The following SH3RF3 variants were observed in gnomAD, a reference collection of about 807,000 sequenced individuals.
SH3RF3 encodes the protein E3 ubiquitin-protein ligase SH3RF3.
In SH3RF3, 29 loss-of-function variants were observed where a neutral mutation model predicts 66.3. That is an observed-to-expected ratio of 0.44 (90% CI 0.33 to 0.60). The LOEUF (loss-of-function observed/expected upper bound fraction) is 0.60, where lower values mean the gene tolerates loss of function less well. Ranked by LOEUF, SH3RF3 falls within the 20% of genes least tolerant of loss-of-function variation. The probability of loss-of-function intolerance (pLI) is 0.04; values close to 1 mark genes in which losing one functional copy is unlikely to be tolerated. For missense variants in SH3RF3, 1,194 were observed against 1,190.9 expected (o/e 1.00, Z -0.04); for synonymous variants, 583 against 532.0 (o/e 1.10, Z -1.32).
Position 109,400,575 on chromosome 2 carries a change from G to GCACACA in SH3RF3, c.1299+1642_1299+1647dup, listed in dbSNP as rs369625855. Among the ~76,000 whole-genome samples, 265 of 147,086 alleles carry GCACACA rather than the reference G, an allele frequency of 1.8e-3. 3 individuals carry two copies. In the South Asian group the frequency reaches 0.025, roughly 14 times the overall value. On this transcript the variant is annotated intron_variant, in intron 4 of 9. Coordinates refer to ENST00000309415, the MANE Select transcript of SH3RF3 (RefSeq NM_001099289.3). ...TACGTATACACATACACACCTGTGC[G>GCACACA]CACACACACACACACTTGTGAACTT...
intron 8 of SH3RF3, among the ~76,000 whole-genome samples, chr2:109,470,568 C>T (rs939969057): frequency 1.3e-5 from 2 of 152,222 alleles, no homozygotes; most frequent in Admixed American, 1.3e-4. Context: ...CAGTACTCTA[C>T]GTGCAGAGCT....
At chr2:109,410,693 C>G (rs1195233055) in intron 4 of SH3RF3, among the ~76,000 whole-genome samples, 1 of 152,232 alleles carries the variant, frequency 6.6e-6, no homozygotes, top group Non-Finnish European at 1.5e-5. Context: ...TGTCCACTTG[C>G]CTAGGCCAAA....
chr2:109,448,684 A>G (rs994020520), intron 7 of SH3RF3, among the ~76,000 whole-genome samples: 1 of 152,228 alleles, frequency 6.6e-6, no homozygotes, highest in African/African-American at 2.4e-5. Flanking sequence ...GGTGAGTTGT[A>G]TACTTATTTC....
chr2:109,259,855 C>T (rs1035652841), intron 1 of SH3RF3, among the ~76,000 whole-genome samples: 7 of 152,150 alleles, frequency 4.6e-5, no homozygotes, highest in African/African-American at 1.7e-4. Context: ...TTTGGACAGC[C>T]TCTGGGCCGG....
chr2:109,347,777 A>G lies in SH3RF3; in HGVS notation c.677A>G (p.Lys226Arg), dbSNP rs541360832. Residue 226 changes from lysine to arginine, a missense_variant, in exon 2 of 10, where the codon AAG (lysine) becomes AGG (arginine). Coordinates refer to ENST00000309415, the MANE Select transcript of SH3RF3 (RefSeq NM_001099289.3). Reference sequence around the variant, plus strand: ...GGGGACATCATCGTCCTGCGGCGCAAGGTGGATGAACAGTGGTACCACGGC... The same window carrying G: ...GGGGACATCATCGTCCTGCGGCGCAGGGTGGATGAACAGTGGTACCACGGC... ...NKGDIIVLRR[K>R]VDEQWYHGEL... The G allele has an allele frequency of 3.7e-6, 6 of 1,614,010 alleles. No individual in the cohort carries two copies. In the East Asian group the frequency reaches 1.3e-4, roughly 36 times the overall value.
intron 1 of SH3RF3, among the ~76,000 whole-genome samples, chr2:109,213,768 C>T (rs970981668): frequency 2.0e-5 from 3 of 152,134 alleles, no homozygotes; most frequent in African/African-American, 2.4e-5. Context: ...AGGAACGTGA[C>T]GTGGTCTCAC....
At chr2:109,454,126 A>G (rs1677967754) in intron 8 of SH3RF3, among the ~76,000 whole-genome samples, 1 of 152,268 alleles carries the variant, frequency 6.6e-6, no homozygotes, top group South Asian at 2.1e-4. Flanking sequence ...AAGAGAGAGA[A>G]GAAAACAAAG....
intron 1 of SH3RF3, among the ~76,000 whole-genome samples, chr2:109,264,308 A>C (rs1411430379): frequency 8.7e-6 from 1 of 115,586 alleles, no homozygotes; most frequent in Non-Finnish European, 1.7e-5. Flanking sequence ...GATCCACCCC[A>C]AGTCTGTGTG....
Position 109,419,584 on chromosome 2 carries a change from G to A in SH3RF3, c.1345G>A (p.Ala449Thr), listed in dbSNP as rs1243782446. 6.3e-7 allele frequency: 1 copy of A among 1,597,922 alleles called. No homozygotes were observed. Among genetic ancestry groups the A allele is most frequent in the Non-Finnish European group, 8.5e-7 (1 of 1,173,416 alleles). ...AGSTPTAVPR[A>T]ASVSGEQGTP... is the part of the protein sequence containing the mutation. ...ATCTACCCCCACGGCTGTCCCACGG[G>A]CTGCCTCGGTGTCTGGAGAGCAGGG... Residue 449 changes from alanine (A) to threonine (T), a missense_variant, in exon 5 of 10, where the codon GCT becomes ACT. Transcript: ENST00000309415.
At chr2:109,235,564 G>A (rs1009550035) in intron 1 of SH3RF3, among the ~76,000 whole-genome samples, 1 of 152,246 alleles carries the variant, frequency 6.6e-6, no homozygotes, top group Admixed American at 6.5e-5. Context: ...TGACTGGTAA[G>A]ATGGTTCTCC....
intron 1 of SH3RF3, among the ~76,000 whole-genome samples, chr2:109,188,030 G>C (rs1678240688): frequency 6.6e-6 from 1 of 152,226 alleles, no homozygotes; most frequent in Non-Finnish European, 1.5e-5. Flanking sequence ...TGCTTGGGTG[G>C]AGTCTGCACC....
intron 4 of SH3RF3, among the ~76,000 whole-genome samples, chr2:109,401,050 A>G (rs1415215720): frequency 1.3e-5 from 2 of 152,170 alleles, no homozygotes; most frequent in African/African-American, 4.8e-5. Flanking sequence ...GTGTGTGTGC[A>G]CATCTGGGGG....
chr2:109,293,902 GAGT>G (rs1157417666), intron 1 of SH3RF3, among the ~76,000 whole-genome samples: 4 of 152,172 alleles, frequency 2.6e-5, no homozygotes, highest in Non-Finnish European at 4.4e-5. Context: ...GCTTGTTGCC[GAGT>G]AGCCCTGACT....
rs1679104965 is a variant in SH3RF3, at chr2:109,490,667, C to T, written c.2211C>T (p.Arg737=). The part of the protein sequence containing the change: ...LAGASTKKKS[R]SPPSVSPTHD... ...GAGCATCCACCAAGAAGAAGTCACG[C>T]TCCCCGCCATCTGTGTCTCCAACCC... is the stretch of plus-strand genomic sequence containing the variant. The change falls in exon 9 of 10, where the codon CGC becomes CGT. Residue 737 remains arginine, a synonymous_variant. Transcript: ENST00000309415. 6.6e-7 allele frequency: 1 copy of T among 1,518,826 alleles called. No homozygotes were observed. The highest frequency in any genetic ancestry group is 8.8e-7 in the Non-Finnish European group (1 of 1,133,662). 94.1% of individuals were successfully genotyped at this position (1,518,826 alleles called of 1,614,324 possible).
chr2:109,338,904 G>T (rs1336199847), intron 1 of SH3RF3, among the ~76,000 whole-genome samples: 1 of 132,770 alleles, frequency 7.5e-6, no homozygotes, highest in East Asian at 2.3e-4. Flanking sequence ...TTGACCAGAA[G>T]CCTTACTGAT....
At chr2:109,224,628 C>T (rs756172721) in intron 1 of SH3RF3, among the ~76,000 whole-genome samples, 2 of 152,148 alleles carry the variant, frequency 1.3e-5, no homozygotes, top group Non-Finnish European at 2.9e-5. Flanking sequence ...AAGGCCAAGG[C>T]GGGCAGATCA....
intron 8 of SH3RF3, among the ~76,000 whole-genome samples, chr2:109,474,514 C>T (rs1678623598): frequency 6.6e-6 from 1 of 152,142 alleles, no homozygotes; most frequent in African/African-American, 2.4e-5. Flanking sequence ...AGTGGGAGGC[C>T]CTCAGTTGGC....
At chr2:109,413,154 G>T (rs535104104) in intron 4 of SH3RF3, among the ~76,000 whole-genome samples, 3 of 152,212 alleles carry the variant, frequency 2.0e-5, no homozygotes, top group Admixed American at 6.5e-5. Context: ...TTGCTCTGTC[G>T]CCCAGGCTGG....
At chr2:109,447,540 G>A (rs60661372) in intron 7 of SH3RF3, among the ~76,000 whole-genome samples, 73 of 152,290 alleles carry the variant, frequency 4.8e-4, no homozygotes, top group African/African-American at 1.7e-3. Context: ...CCTTAAGAAT[G>A]CACAGCAGCT....
Sources: gnomAD v4.1 joint callset for allele counts (sites outside exome capture counted in the v4.1 genomes callset) on GRCh38, gnomAD v4.1.1 for gene constraint, MANE v1.5 for transcripts, NCBI Gene and HGNC (gene_info 2026-07-23, HGNC 2026-07-21) for gene names.